PKP4: variants seen among roughly 807,000 people sequenced by gnomAD.
PKP4 encodes the protein plakophilin-4.
A neutral mutation model predicts 145.1 loss-of-function variants in PKP4; 90 were observed. That is an observed-to-expected ratio of 0.62 (90% CI 0.52 to 0.74). The LOEUF is 0.74. PKP4 is among the 30% of genes least tolerant of loss of function. The probability of loss-of-function intolerance (pLI) is 0.00; values close to 1 mark genes in which losing one functional copy is unlikely to be tolerated. For synonymous variants in PKP4, 563 were observed against 577.2 expected (o/e 0.98, Z 0.35); for missense variants, 1,340 against 1,482.7 (o/e 0.90, Z 1.58).
intron 12 of PKP4, chr2:158,660,255 A>T (rs192282775): frequency 1.2e-4 from 18 of 152,780 alleles, no homozygotes; most frequent in African/African-American, 4.3e-4. Context: ...CATTGGAGAA[A>T]AGAATCCGCA....
rs117525348 is a variant in PKP4 at position 158,516,294 on chromosome 2, A to C, written c.-5-16886A>C. ...TTACAAGTTCCAAAGTGCAGCCTGCACAACTGGCACACAGATTACACTTTA... is the reference window on the plus strand; with the variant it reads ...TTACAAGTTCCAAAGTGCAGCCTGCCCAACTGGCACACAGATTACACTTTA... On this transcript the variant is annotated intron_variant, in intron 1 of 21. Transcript: ENST00000389759. Among the ~76,000 whole-genome samples the C allele has an allele frequency of 2.3e-4, 35 of 152,254 alleles. 1 individual carries two copies. In the East Asian group the frequency reaches 5.8e-3, roughly 25 times the overall value.
chr2:158,599,561 A>G (rs957730402), intron 3 of PKP4, among the ~76,000 whole-genome samples: 7 of 152,336 alleles, frequency 4.6e-5, no homozygotes, highest in East Asian at 3.9e-4. Flanking sequence ...GAAATAGTCT[A>G]CAGTTATGAG....
chr2:158,496,282 A>T (rs13400359), intron 1 of PKP4, among the ~76,000 whole-genome samples: 57,844 of 152,064 alleles, frequency 0.38, 11,868 homozygotes, highest in East Asian at 0.68. Context: ...CGCCTGGCCC[A>T]AAAATATTTT....
intron 4 of PKP4, among the ~76,000 whole-genome samples, chr2:158,613,595 C>T (rs1439275698): frequency 2.0e-5 from 3 of 152,084 alleles, no homozygotes; most frequent in Non-Finnish European, 4.4e-5. Context: ...AAATTCCACC[C>T]AATTTTCAAC....
chr2:158,520,634 C>T (rs1222215218), intron 1 of PKP4, among the ~76,000 whole-genome samples: 1 of 152,154 alleles, frequency 6.6e-6, no homozygotes, highest in Non-Finnish European at 1.5e-5. Flanking sequence ...GAAAAGCAAG[C>T]ACATCTATGT....
chr2:158,477,636 A>T (rs1438198404), intron 1 of PKP4, among the ~76,000 whole-genome samples: 2 of 152,190 alleles, frequency 1.3e-5, no homozygotes, highest in East Asian at 3.9e-4. Flanking sequence ...CATATTGATC[A>T]ACTGGGATTA....
intron 1 of PKP4, among the ~76,000 whole-genome samples, chr2:158,461,101 C>T (rs1487149756): frequency 6.6e-6 from 1 of 152,164 alleles, no homozygotes; most frequent in South Asian, 2.1e-4. Flanking sequence ...TAATCAGGCT[C>T]TAAGTTGCCA....
chr2:158,663,180 G>A, intron 14 of PKP4, 92 bp downstream of exon 14: 1 of 1,514,572 alleles, frequency 6.6e-7, no homozygotes, highest in African/African-American at 1.4e-5. Flanking sequence ...TTTCTGCATA[G>A]CTATAGCTGA....
At chr2:158,655,045 C>A (rs769961018) in intron 11 of PKP4, among the ~76,000 whole-genome samples, 3 of 151,802 alleles carry the variant, frequency 2.0e-5, no homozygotes, top group Admixed American at 6.6e-5. Context: ...AATTTCAAAC[C>A]TATAAAAATA....
At chr2:158,484,916 A>G (rs1004340776) in intron 1 of PKP4, among the ~76,000 whole-genome samples, 1 of 152,228 alleles carries the variant, frequency 6.6e-6, no homozygotes, top group African/African-American at 2.4e-5. Context: ...ATCAGAATAA[A>G]TGGTACAGGA....
intron 9 of PKP4, among the ~76,000 whole-genome samples, chr2:158,634,493 A>G (rs539305211): frequency 2.0e-5 from 3 of 152,294 alleles, no homozygotes; most frequent in Admixed American, 1.3e-4. Context: ...CCTTCTTTCC[A>G]TCCTTTCATA....
intron 9 of PKP4, among the ~76,000 whole-genome samples, chr2:158,635,521 T>C (rs1356667622): frequency 6.6e-6 from 1 of 152,182 alleles, no homozygotes; most frequent in Non-Finnish European, 1.5e-5. Context: ...GTAGGTAATT[T>C]AGACCATCCC....
At chr2:158,500,785 G>C (rs75285426) in intron 1 of PKP4, among the ~76,000 whole-genome samples, 16 of 152,210 alleles carry the variant, frequency 1.1e-4, no homozygotes, top group Admixed American at 5.9e-4. Flanking sequence ...GCATGAACTC[G>C]TGAGAAAGTC....
intron 4 of PKP4, among the ~76,000 whole-genome samples, chr2:158,607,392 C>T (rs557218580): frequency 3.3e-5 from 5 of 152,138 alleles, no homozygotes; most frequent in African/African-American, 1.2e-4. Context: ...GTTCAACATA[C>T]GGAATTTGAT....
Position 158,662,999 on chromosome 2 carries a change from C to A in PKP4, c.2314C>A (p.Leu772Ile). Residue 772 changes from leucine (L) to isoleucine (I), a missense_variant, in exon 14 of 22, where the codon CTA (leucine) becomes ATA (isoleucine). Physicochemically the swap from Leu to Ile is conservative, Grantham distance 5 (BLOSUM62 2). Coordinates refer to ENST00000389759, the MANE Select transcript of PKP4 (RefSeq NM_003628.6). ...LLGLNELDDL[L>I]GKESPSKDSE... ...GGGACTGAACGAATTGGATGACTTA[C>A]TAGGAAAAGAGTCTCCCAGCAAAGA... The A allele has an allele frequency of 6.2e-7, 1 of 1,613,942 alleles. No individual in the cohort carries two copies. Among genetic ancestry groups the A allele is most frequent in the Non-Finnish European group, 8.5e-7 (1 of 1,179,992 alleles).
chr2:158,462,420 T>C (rs928151408), intron 1 of PKP4, among the ~76,000 whole-genome samples: 6 of 151,970 alleles, frequency 3.9e-5, no homozygotes, highest in Non-Finnish European at 8.8e-5. Flanking sequence ...TGAATATACA[T>C]AATCAGCCCT....
chr2:158,550,379 G>A (rs950175107), intron 2 of PKP4, among the ~76,000 whole-genome samples: 2 of 144,162 alleles, frequency 1.4e-5, no homozygotes, highest in South Asian at 2.1e-4. Flanking sequence ...AATTTAATGA[G>A]TTTTGACAAA....
intron 17 of PKP4, 28 bp downstream of exon 17, chr2:158,669,943 A>G: frequency 1.3e-6 from 2 of 1,566,082 alleles, no homozygotes; most frequent in Non-Finnish European, 1.7e-6. Context: ...AGGTGCAAGC[A>G]GTGCTCTTAT....
At chr2:158,616,287 G>C (rs568158396) in intron 4 of PKP4, among the ~76,000 whole-genome samples, 1 of 152,266 alleles carries the variant, frequency 6.6e-6, no homozygotes, top group African/African-American at 2.4e-5. Flanking sequence ...TACTAAAGAG[G>C]AGAAATCTTT....
Sources: allele counts gnomAD v4.1 joint callset (sites outside exome capture counted in the v4.1 genomes callset), GRCh38; gene constraint gnomAD v4.1.1; transcripts MANE v1.5; gene names NCBI Gene and HGNC (gene_info 2026-07-23, HGNC 2026-07-21).